The following CCDC88A variants were observed in gnomAD, a reference collection of about 807,000 sequenced individuals.
CCDC88A encodes coiled-coil and HOOK domain protein 88A.
CCDC88A carries 54 observed loss-of-function variants against 234.3 expected under a neutral mutation model. That is an observed-to-expected ratio of 0.23 (90% CI 0.19 to 0.29). CCDC88A has a LOEUF of 0.29. CCDC88A is among the 10% of genes least tolerant of loss of function. The pLI is 1.00. For missense variants in CCDC88A, 1,832 were observed against 2,123.4 expected (o/e 0.86, Z 2.70); for synonymous variants, 753 against 737.8 (o/e 1.02, Z -0.33).
At chr2:55,377,017 A>G (rs536780047) in intron 3 of CCDC88A, among the ~76,000 whole-genome samples, 1 of 152,024 alleles carries the variant, frequency 6.6e-6, no homozygotes, top group Non-Finnish European at 1.5e-5. Context: ...TATTTTTAGT[A>G]GAGACAGGGT....
At chr2:55,379,782 G>A (rs1674284722) in intron 3 of CCDC88A, among the ~76,000 whole-genome samples, 1 of 152,038 alleles carries the variant, frequency 6.6e-6, no homozygotes, top group Non-Finnish European at 1.5e-5. Context: ...GCGTGGTGGT[G>A]CATGCCTGTA....
chr2:55,368,525 T>C (rs1270664895), intron 5 of CCDC88A, among the ~76,000 whole-genome samples: 3 of 151,874 alleles, frequency 2.0e-5, no homozygotes, highest in Non-Finnish European at 4.4e-5. Context: ...AGTTTCCTTA[T>C]GCTGCCCAGG....
At chr2:55,390,741 T>G (rs1003316157) in intron 2 of CCDC88A, among the ~76,000 whole-genome samples, 1 of 152,152 alleles carries the variant, frequency 6.6e-6, no homozygotes, top group African/African-American at 2.4e-5. Flanking sequence ...GAGACAAAGC[T>G]GGAGTTCATG....
rs563617449 is a variant in CCDC88A, at chr2:55,362,201, TATC to T, written c.627+104_627+106del. ...TTCCACACAAAAAAAGACACTCCTG[TATC>T]ACCTGTCTCTAAGAAATAGTATCGT... On this transcript the variant is annotated intron_variant, in intron 7 of 32. Coordinates refer to ENST00000436346, the MANE Select transcript of CCDC88A (RefSeq NM_001365480.1). 8 of 840,594 alleles carry T rather than the reference TATC, an allele frequency of 9.5e-6. 1 individual carries two copies. The South Asian group carries it at 1.5e-4, about 15-fold the overall frequency. 52.1% of individuals were successfully genotyped at this position (840,594 alleles called of 1,614,324 possible).
At chr2:55,318,768 C>G (rs1683263689) in intron 19 of CCDC88A, 75 bp downstream of exon 19, 1 of 1,166,604 alleles carries the variant, frequency 8.6e-7, no homozygotes, top group Non-Finnish European at 1.2e-6. Context: ...ACAATGTTTC[C>G]ATGTTTACCC....
chr2:55,377,124 G>T (rs1349341199), intron 3 of CCDC88A, among the ~76,000 whole-genome samples: 7 of 151,082 alleles, frequency 4.6e-5, no homozygotes, highest in African/African-American at 1.7e-4. Flanking sequence ...GAGCCACCGT[G>T]CCCGGACACT....
chr2:55,399,526 CAA>C (rs34218112), intron 2 of CCDC88A, among the ~76,000 whole-genome samples: 16 of 88,424 alleles, frequency 1.8e-4, no homozygotes, highest in Admixed American at 1.3e-4. Context: ...GACTCTGTCT[CAA>C]AAAAAAAAAA....
Position 55,336,884 on chromosome 2 carries a change from A to C in CCDC88A, c.1519-66T>G, listed in dbSNP as rs1685515316. ...TGTAACAGTGAAAACATGTCAAAAC[A>C]AAACATAATCGCTGAATAAAGGATA... is the stretch of plus-strand genomic sequence containing the variant. On this transcript the variant is annotated intron_variant, in intron 13 of 32. Coordinates refer to ENST00000436346, the MANE Select transcript of CCDC88A (RefSeq NM_001365480.1). 5.9e-6 allele frequency: 6 copies of C among 1,022,354 alleles called. No individual in the cohort carries two copies. The South Asian group carries it at 9.5e-5, about 16-fold the overall frequency. 63.3% of individuals were successfully genotyped at this position (1,022,354 alleles called of 1,614,324 possible). A position where few individuals can be genotyped will look rare whatever the true frequency, so the allele number is the denominator to read the frequency against.
chr2:55,388,862 T>A lies in CCDC88A; in HGVS notation c.189A>T (p.Arg63Ser). 6.9e-7 allele frequency: 1 copy of A among 1,445,270 alleles called. No homozygotes were observed. The highest frequency in any genetic ancestry group is 9.5e-7 in the Non-Finnish European group (1 of 1,049,392). 89.5% of individuals were successfully genotyped at this position (1,445,270 alleles called of 1,614,324 possible). A position where few individuals can be genotyped will look rare whatever the true frequency, so the allele number is the denominator to read the frequency against. Reference protein sequence around the residue: ...LQINPKLESQRVNKKVNNDAS... With the variant: ...LQINPKLESQSVNKKVNNDAS... ...CATCATTATTGACTTTTTTATTTAC[T>A]CTCTGACTCTCCAATTTAGGATTAC... The change falls in exon 3 of 33, where the codon AGA becomes AGT. Residue 63 changes from arginine to serine, a missense_variant. This residue lies in a region of CCDC88A where 84 missense variants were observed against 80.9 expected (regional missense o/e 1.04). Transcript: ENST00000436346.
At chr2:55,344,125 C>A (rs1243630209) in intron 11 of CCDC88A, 41 of 364,308 alleles carry the variant, frequency 1.1e-4, no homozygotes, top group Non-Finnish European at 1.7e-4. Flanking sequence ...TACACAATAG[C>A]TTATTTATTG....
At chr2:55,341,168 C>G (rs775773959) in intron 12 of CCDC88A, among the ~76,000 whole-genome samples, 12 of 112,098 alleles carry the variant, frequency 1.1e-4, no homozygotes, top group Non-Finnish European at 1.9e-4. Context: ...TTTTTTGAGA[C>G]AGAGTCTTGC....
Position 55,328,457 on chromosome 2 carries a change from T to C in CCDC88A, c.2856-22A>G, listed in dbSNP as rs6759625. 0.015 allele frequency: 22,565 copies of C among 1,467,918 alleles called. 2,061 individuals are homozygous for C. In the African/African-American group the frequency reaches 0.24, roughly 15 times the overall value. 90.9% of individuals were successfully genotyped at this position (1,467,918 alleles called of 1,614,324 possible). The stretch of plus-strand genomic sequence containing the variant: ...CCTACTATCCAAGTACAAAGTAATG[T>C]AGTTCATTATTGGAGGTCAGAAAAT... On this transcript the variant is annotated intron_variant, in intron 16 of 32. Coordinates refer to ENST00000436346, the MANE Select transcript of CCDC88A (RefSeq NM_001365480.1). The surrounding 1 kb of genome is among the most constrained non-coding windows in gnomAD (Gnocchi z 4.3).
intron 12 of CCDC88A, among the ~76,000 whole-genome samples, chr2:55,340,854 C>T (rs1405317812): frequency 6.6e-6 from 1 of 152,030 alleles, no homozygotes; most frequent in East Asian, 1.9e-4. Flanking sequence ...TGTTAATCTA[C>T]CTGTATTAGG....
chr2:55,362,718 A>G (rs1207879817), intron 6 of CCDC88A, among the ~76,000 whole-genome samples: 2 of 152,052 alleles, frequency 1.3e-5, no homozygotes, highest in Non-Finnish European at 1.5e-5. Flanking sequence ...CTTAAAGGAA[A>G]GTAATGTTGA....
At chr2:55,389,139 T>C (rs1676177391) in intron 2 of CCDC88A, among the ~76,000 whole-genome samples, 1 of 152,218 alleles carries the variant, frequency 6.6e-6, no homozygotes, top group African/African-American at 2.4e-5. Context: ...CCTTTCATTG[T>C]CATGTTGCCA....
At position 55,317,363 on chromosome 2, in the gene CCDC88A, A is replaced by G. The variant is rs746835378; in HGVS notation, c.3603-14T>C. ...AACTGATTGTAACTGGGGGGAAAAA[A>G]GGCATTTGGTTTATAATATTTACAA... On this transcript the variant is annotated splice_polypyrimidine_tract_variant and intron_variant, in intron 20 of 32. Transcript: ENST00000436346. This position sits in a 1 kb window ranked among gnomAD's most constrained non-coding sequence, Gnocchi z 4.2. 4 of 1,456,112 alleles carry G rather than the reference A, an allele frequency of 2.7e-6. No homozygotes were observed. The highest frequency in any genetic ancestry group is 1.8e-6 in the Non-Finnish European group (2 of 1,098,392). 90.2% of individuals were successfully genotyped at this position (1,456,112 alleles called of 1,614,324 possible).
intron 25 of CCDC88A, 144 bp downstream of exon 25, chr2:55,308,665 T>C: frequency 1.6e-6 from 1 of 636,154 alleles, no homozygotes; most frequent in South Asian, 2.0e-5. Context: ...TGTACACTAA[T>C]GCAGTACACA....
intron 3 of CCDC88A, chr2:55,388,535 G>A (rs1422491860): frequency 4.6e-6 from 1 of 219,350 alleles, no homozygotes; most frequent in African/African-American, 2.3e-5. Flanking sequence ...TCAGGAAACT[G>A]GGACCTGATT....
chr2:55,360,193 GT>G (rs1418441915), intron 7 of CCDC88A, among the ~76,000 whole-genome samples: 5 of 152,120 alleles, frequency 3.3e-5, no homozygotes, highest in African/African-American at 1.2e-4. Flanking sequence ...AGACATACTT[GT>G]TCTATAGCAT....
Sources: gnomAD v4.1 joint callset for allele counts (sites outside exome capture counted in the v4.1 genomes callset) on GRCh38, gnomAD v4.1.1 for gene constraint, gnomAD v4.1.1 regional missense constraint, Gnocchi (gnomAD v3.1) non-coding constraint, MANE v1.5 for transcripts, NCBI Gene and HGNC (gene_info 2026-07-23, HGNC 2026-07-21) for gene names.